The following GALNT18 variants were observed in gnomAD, a reference collection of about 807,000 sequenced individuals.
The protein encoded by GALNT18 is polypeptide N-acetylgalactosaminyltransferase 18.
A neutral mutation model predicts 69.5 loss-of-function variants in GALNT18; 44 were observed. That is an observed-to-expected ratio of 0.63 (90% CI 0.50 to 0.81). The LOEUF (loss-of-function observed/expected upper bound fraction) is 0.81, where lower values mean the gene tolerates loss of function less well. GALNT18 is among the 40% of genes least tolerant of loss of function. The pLI, the probability that GALNT18 is intolerant of heterozygous loss-of-function variation, is 0.00. For synonymous variants in GALNT18, 364 were observed against 318.2 expected (o/e 1.14, Z -1.53); for missense variants, 715 against 810.0 (o/e 0.88, Z 1.42).
intron 6 of GALNT18, among the ~76,000 whole-genome samples, chr11:11,344,149 G>T (rs762928684): frequency 6.6e-6 from 1 of 152,120 alleles, no homozygotes; most frequent in Non-Finnish European, 1.5e-5. Flanking sequence ...CCTGATCTGG[G>T]CTTGCCCCCC....
chr11:11,551,269 C>T (rs1405090386), intron 1 of GALNT18, among the ~76,000 whole-genome samples: 2 of 152,020 alleles, frequency 1.3e-5, no homozygotes, highest in Non-Finnish European at 2.9e-5. Flanking sequence ...TGGGCCAAAC[C>T]TGATTTTTTT....
chr11:11,485,350 C>G (rs1564973384), intron 1 of GALNT18, among the ~76,000 whole-genome samples: 1 of 152,142 alleles, frequency 6.6e-6, no homozygotes, highest in Non-Finnish European at 1.5e-5. Context: ...TTCCTATGAC[C>G]CCCTCCTCGG....
At chr11:11,509,636 T>TC (rs1441219449) in intron 1 of GALNT18, among the ~76,000 whole-genome samples, 1 of 152,090 alleles carries the variant, frequency 6.6e-6, no homozygotes, top group Non-Finnish European at 1.5e-5. Flanking sequence ...GGAATGACTT[T>TC]CCCCCCTCTC....
intron 1 of GALNT18, among the ~76,000 whole-genome samples, chr11:11,575,429 A>G (rs34500370): frequency 0.26 from 38,999 of 152,084 alleles, 6,599 homozygotes; most frequent in African/African-American, 0.48. Context: ...CCACCCTCTG[A>G]CCTCTCAGGA....
intron 1 of GALNT18, among the ~76,000 whole-genome samples, chr11:11,527,090 C>A (rs1439805153): frequency 1.3e-5 from 2 of 152,088 alleles, no homozygotes; most frequent in East Asian, 1.9e-4. Context: ...GCATTCCTGG[C>A]CAGGAATGTT....
At chr11:11,471,067 C>T (rs899883486) in intron 1 of GALNT18, among the ~76,000 whole-genome samples, 2 of 152,154 alleles carry the variant, frequency 1.3e-5, no homozygotes, top group Non-Finnish European at 2.9e-5. Flanking sequence ...TTCAGTCTCC[C>T]TCATCTAAGA....
intron 2 of GALNT18, among the ~76,000 whole-genome samples, chr11:11,437,103 T>C (rs1279343528): frequency 1.3e-5 from 2 of 152,122 alleles, no homozygotes; most frequent in Non-Finnish European, 2.9e-5. Flanking sequence ...GCCTCTGCAC[T>C]TGCCTCTCTG....
At chr11:11,298,720 A>G (rs4384380) in intron 9 of GALNT18, among the ~76,000 whole-genome samples, 69,995 of 151,706 alleles carry the variant, frequency 0.46, 16,946 homozygotes, top group Middle Eastern at 0.57. Flanking sequence ...CCCCTCTCCC[A>G]GCCCCATCAC....
In GALNT18 at chr11:11,497,327, AACAC is replaced by A. The variant is rs61001797; in HGVS notation, c.236-48395_236-48392del. Among the ~76,000 whole-genome samples the A allele has an allele frequency of 0.027, 3,522 of 132,254 alleles. 141 individuals are homozygous for A. Among genetic ancestry groups the A allele is most frequent in the Admixed American group, 0.13 (1,771 of 13,160 alleles). The allele number at this position is 132,254 out of a possible 152,430, so 86.8% of individuals were successfully genotyped here. A position where few individuals can be genotyped will look rare whatever the true frequency, so the allele number is the denominator to read the frequency against. The stretch of plus-strand genomic sequence containing the variant: ...TATTTATGTTTTACCTCCTGTCTCC[AACAC>A]ACACACACACACACACACACACACA... On this transcript the variant is annotated intron_variant, in intron 1 of 10. Coordinates refer to ENST00000227756, the MANE Select transcript of GALNT18 (RefSeq NM_198516.3). This position sits in a 1 kb window ranked among gnomAD's most constrained non-coding sequence, Gnocchi z 4.2.
At chr11:11,524,160 T>G (rs1423647896) in intron 1 of GALNT18, among the ~76,000 whole-genome samples, 2 of 152,144 alleles carry the variant, frequency 1.3e-5, no homozygotes, top group Non-Finnish European at 2.9e-5. Context: ...TCAGCCTCTC[T>G]TCCTACCAAG....
chr11:11,288,880 C>A (rs993068296), intron 10 of GALNT18, among the ~76,000 whole-genome samples: 3 of 152,104 alleles, frequency 2.0e-5, no homozygotes, highest in Non-Finnish European at 4.4e-5. Flanking sequence ...CCTGGGAAAA[C>A]ACACTAGATT....
intron 1 of GALNT18, among the ~76,000 whole-genome samples, chr11:11,499,381 T>A (rs1856929020): frequency 6.6e-6 from 1 of 152,176 alleles, no homozygotes; most frequent in African/African-American, 2.4e-5. Flanking sequence ...TCTTTCCTCA[T>A]CTGTTCTGGC....
rs908512468 is a variant in GALNT18 at position 11,463,710 on chromosome 11, G to A, written c.236-14774C>T. 5.9e-5 allele frequency among the ~76,000 whole-genome samples: 9 copies of A among 152,322 alleles called. No homozygotes were observed. Among genetic ancestry groups the A allele is most frequent in the East Asian group, 3.9e-4 (2 of 5,188 alleles). On this transcript the variant is annotated intron_variant, in intron 1 of 10. Transcript: ENST00000227756. The surrounding 1 kb of genome is among the most constrained non-coding windows in gnomAD (Gnocchi z 4.2). ...GCCCTCCCAACCCCAGGCCCTGGCA[G>A]GATAGGGAAAGGCTTTGAATCCACG...
chr11:11,276,277 T>G lies in GALNT18; in HGVS notation c.1678-4987A>C, dbSNP rs1425860035. 6.6e-5 allele frequency among the ~76,000 whole-genome samples: 10 copies of G among 152,306 alleles called. No homozygotes were observed. In the East Asian group the frequency reaches 1.9e-3, roughly 29 times the overall value. Reference sequence around the variant, plus strand: ...CTTGTAAGTTGGATTCCTAGGTATTTTATTCTCTTTGTAGCAATTGTGAAT... The same window carrying G: ...CTTGTAAGTTGGATTCCTAGGTATTGTATTCTCTTTGTAGCAATTGTGAAT... On this transcript the variant is annotated intron_variant, in intron 10 of 10. Coordinates refer to ENST00000227756, the MANE Select transcript of GALNT18 (RefSeq NM_198516.3).
intron 3 of GALNT18, among the ~76,000 whole-genome samples, chr11:11,397,022 T>C (rs1589968077): frequency 2.0e-5 from 3 of 152,086 alleles, no homozygotes; most frequent in Admixed American, 6.5e-5. Flanking sequence ...TGCACCCCCA[T>C]GGCAAATGTG....
chr11:11,410,106 GT>G (rs1416607723), intron 3 of GALNT18, among the ~76,000 whole-genome samples: 3 of 152,174 alleles, frequency 2.0e-5, no homozygotes, highest in African/African-American at 7.2e-5. Flanking sequence ...ATCAGAGACA[GT>G]GGGAAACTCA....
rs1406072665 is a variant in GALNT18 at position 11,463,480 on chromosome 11, C to G, written c.236-14544G>C. 6.6e-6 allele frequency among the ~76,000 whole-genome samples: 1 copy of G among 152,144 alleles called. No homozygotes were observed. The highest frequency in any genetic ancestry group is 1.5e-5 in the Non-Finnish European group (1 of 68,026). ...GGATAAATACGAGCCAGGGCCCCAG[C>G]GAGGTTGAGGTCTGCTTACACGTCC... On this transcript the variant is annotated intron_variant, in intron 1 of 10. Transcript: ENST00000227756. The surrounding 1 kb of genome is among the most constrained non-coding windows in gnomAD (Gnocchi z 4.2).
chr11:11,289,672 A>G (rs12363675), intron 10 of GALNT18, among the ~76,000 whole-genome samples: 46,487 of 152,080 alleles, frequency 0.31, 8,077 homozygotes, highest in Non-Finnish European at 0.38. Flanking sequence ...TGCACAGGAG[A>G]TGAGACTGAG....
intron 1 of GALNT18, among the ~76,000 whole-genome samples, chr11:11,528,902 G>A (rs1857578869): frequency 6.6e-6 from 1 of 152,238 alleles, no homozygotes; most frequent in Admixed American, 6.5e-5. Context: ...CCCAGGGAGT[G>A]GAGGAGTGAA....
Sources: gnomAD v4.1 joint callset for allele counts (sites outside exome capture counted in the v4.1 genomes callset) on GRCh38, gnomAD v4.1.1 for gene constraint, Gnocchi (gnomAD v3.1) non-coding constraint, MANE v1.5 for transcripts, NCBI Gene and HGNC (gene_info 2026-07-23, HGNC 2026-07-21) for gene names.